Variants in ST6GALNAC2 observed in about 807,000 individuals in gnomAD.
ST6GALNAC2 encodes the protein alpha-N-acetylgalactosaminide alpha-2,6-sialyltransferase 2.
ST6GALNAC2 carries 42 observed loss-of-function variants against 38.7 expected under a neutral mutation model. The ratio of observed to expected loss-of-function variants is 1.09; its 90% CI spans 0.85 to 1.40. ST6GALNAC2 has a LOEUF of 1.40. Among genes scored for constraint, ST6GALNAC2 ranks in the 40% most tolerant of loss-of-function variants. ST6GALNAC2 has a pLI of 0.00. For synonymous variants in ST6GALNAC2, 233 were observed against 209.0 expected (o/e 1.11, Z -0.99); for missense variants, 506 against 481.7 (o/e 1.05, Z -0.47).
At chr17:76,567,112 C>T (rs192673999) in intron 8 of ST6GALNAC2, among the ~76,000 whole-genome samples, 2 of 152,148 alleles carry the variant, frequency 1.3e-5, no homozygotes, top group Non-Finnish European at 1.5e-5. Flanking sequence ...AGGACTTTGG[C>T]TTTCACAAGG....
In ST6GALNAC2 at chr17:76,574,391, T is replaced by A. The variant is rs751466654; in HGVS notation, c.335A>T (p.Tyr112Phe). Residue 112 changes from tyrosine to phenylalanine, a missense_variant, in exon 3 of 9, where the codon TAT becomes TTT. Coordinates refer to ENST00000225276, the MANE Select transcript of ST6GALNAC2 (RefSeq NM_006456.3). The part of the protein sequence containing the change: ...WDRLSQHKAP[Y>F]GWRGLSHQVI... ...TTGGTGAGAGAGCCCCCGCCAGCCA[T>A]ACGGGGCTTTGTGTTGGCTCAGGCG... is the stretch of plus-strand genomic sequence containing the variant. 11 of 1,613,430 alleles carry A rather than the reference T, an allele frequency of 6.8e-6. No individual in the cohort carries two copies. In the African/African-American group the frequency reaches 1.2e-4, roughly 18 times the overall value.
chr17:76,572,571 C>G, intron 5 of ST6GALNAC2, 66 bp downstream of exon 5: 1 of 1,595,864 alleles, frequency 6.3e-7, no homozygotes, highest in Non-Finnish European at 8.6e-7. Context: ...GTGGCCCCCA[C>G]TGAGGGGACT....
chr17:76,581,297 A>T (rs143875834), intron 1 of ST6GALNAC2, among the ~76,000 whole-genome samples: 5 of 152,202 alleles, frequency 3.3e-5, no homozygotes, highest in Non-Finnish European at 7.4e-5. Flanking sequence ...CCCTCTGGGA[A>T]GGAACTAGGA....
In ST6GALNAC2 at chr17:76,566,137, G is replaced by A. The variant is rs140080171; in HGVS notation, c.1092C>T (p.His364=). The change falls in exon 9 of 9, where the codon CAC becomes CAT. Residue 364 remains histidine, a synonymous_variant. Coordinates refer to ENST00000225276, the MANE Select transcript of ST6GALNAC2 (RefSeq NM_006456.3). ...SLEAALWRDL[H]KAGILQLYQR is the part of the protein sequence containing the mutation. ...GGTACAGCTGAAGGATGCCGGCCTT[G>A]TGCAGGTCCCTCCACAGGGCAGCTT... is the stretch of plus-strand genomic sequence containing the variant. 1.9e-6 allele frequency: 3 copies of A among 1,614,132 alleles called. No individual in the cohort carries two copies. The highest frequency in any genetic ancestry group is 2.7e-5 in the African/African-American group (2 of 75,040).
intron 4 of ST6GALNAC2, 109 bp from the exon 5 acceptor site, chr17:76,572,884 CCTT>C (rs1369366671): frequency 1.8e-5 from 24 of 1,363,648 alleles, no homozygotes; most frequent in Non-Finnish European, 2.4e-5. Flanking sequence ...TATGACCACT[CCTT>C]CTGCCCATGG....
Position 76,573,113 on chromosome 17 carries a change from T to C in ST6GALNAC2, c.530+82A>G. On this transcript the variant is annotated intron_variant, in intron 4 of 8. Transcript: ENST00000225276. The surrounding 1 kb of genome is among the most constrained non-coding windows in gnomAD (Gnocchi z 5.1). ...TGAGCCGCCCAGGCCACTGCTGCCA[T>C]AGCCCACTGCCCCTGGGGGAGACAC... 2 of 1,445,300 alleles carry C rather than the reference T, an allele frequency of 1.4e-6. No homozygotes were observed. Among genetic ancestry groups the C allele is most frequent in the African/African-American group, 1.4e-5 (1 of 71,902 alleles). 89.5% of individuals were successfully genotyped at this position (1,445,300 alleles called of 1,614,324 possible).
Position 76,571,404 on chromosome 17 carries a change from G to A in ST6GALNAC2, c.670-736C>T, listed in dbSNP as rs151302018. On this transcript the variant is annotated intron_variant, in intron 5 of 8. Transcript: ENST00000225276. ...AGGTCAGGAGTTCAAGACCAGCCTG[G>A]CCAACATGGTGAAACCCCATCTCCA... 1.5e-3 allele frequency among the ~76,000 whole-genome samples: 232 copies of A among 152,276 alleles called. 5 individuals are homozygous for A. The highest frequency in any genetic ancestry group is 5.5e-3 in the African/African-American group (227 of 41,560).
intron 5 of ST6GALNAC2, among the ~76,000 whole-genome samples, chr17:76,571,688 T>A (rs2075355740): frequency 6.6e-6 from 1 of 152,180 alleles, no homozygotes; most frequent in Non-Finnish European, 1.5e-5. Context: ...GACACTATGG[T>A]AGGACACTCC....
chr17:76,569,909 T>G (rs540488711), intron 6 of ST6GALNAC2: 32 of 250,692 alleles, frequency 1.3e-4, no homozygotes, highest in South Asian at 1.2e-3. Context: ...AGCAGTGGCG[T>G]CGATTTTTAG....
chr17:76,574,278 A>G, intron 3 of ST6GALNAC2, 87 bp downstream of exon 3: 2 of 1,477,580 alleles, frequency 1.4e-6, no homozygotes, highest in Non-Finnish European at 1.8e-6. Flanking sequence ...CACCAGTGCT[A>G]TGAGGGCAGA....
At chr17:76,572,297 C>T (rs62086615) in intron 5 of ST6GALNAC2, among the ~76,000 whole-genome samples, 1 of 152,116 alleles carries the variant, frequency 6.6e-6, no homozygotes, top group African/African-American at 2.4e-5. Flanking sequence ...CTGACCCTAC[C>T]GCTGACTCAC....
At chr17:76,577,857 G>A (rs1360206183) in intron 2 of ST6GALNAC2, among the ~76,000 whole-genome samples, 1 of 152,154 alleles carries the variant, frequency 6.6e-6, no homozygotes, top group Non-Finnish European at 1.5e-5. Flanking sequence ...ACAGGTGTGA[G>A]CCACCACGTC....
At chr17:76,583,952 T>C (rs2075511320) in intron 1 of ST6GALNAC2, among the ~76,000 whole-genome samples, 1 of 145,180 alleles carries the variant, frequency 6.9e-6, no homozygotes, top group African/African-American at 2.6e-5. Flanking sequence ...GGACTACAGG[T>C]GCCCGCCACC....
chr17:76,577,942 T>C (rs1355381476), intron 2 of ST6GALNAC2, among the ~76,000 whole-genome samples: 1 of 152,182 alleles, frequency 6.6e-6, no homozygotes, highest in Admixed American at 6.5e-5. Flanking sequence ...ACAGCTTGGC[T>C]GTCGCTAAGC....
chr17:76,572,509 C>T, intron 5 of ST6GALNAC2, 128 bp downstream of exon 5: 2 of 1,140,892 alleles, frequency 1.8e-6, no homozygotes, highest in South Asian at 1.5e-5. Context: ...TATCTTGCAT[C>T]CAGAATCCTG....
In ST6GALNAC2 at chr17:76,570,739, C is replaced by T. The variant is rs557828419; in HGVS notation, c.670-71G>A. 22 of 1,221,638 alleles carry T rather than the reference C, an allele frequency of 1.8e-5. No homozygotes were observed. In the East Asian group the frequency reaches 4.4e-4, roughly 24 times the overall value. The allele number at this position is 1,221,638 out of a possible 1,614,324, so 75.7% of individuals were successfully genotyped here. ...TTAGCTCCTCAGTGTGGACAGCCCT[C>T]CACCCAACCTTGCCCCCTGAGCCGA... On this transcript the variant is annotated intron_variant, in intron 5 of 8. Coordinates refer to ENST00000225276, the MANE Select transcript of ST6GALNAC2 (RefSeq NM_006456.3).
chr17:76,573,159 T>TCCCACCCCCCC lies in ST6GALNAC2; in HGVS notation c.530+35_530+36insGGGGGGGTGGG. 2.0e-6 allele frequency: 3 copies of TCCCACCCCCCC among 1,530,314 alleles called. No individual in the cohort carries two copies. Among genetic ancestry groups the TCCCACCCCCCC allele is most frequent in the Non-Finnish European group, 2.7e-6 (3 of 1,120,822 alleles). 94.8% of individuals were successfully genotyped at this position (1,530,314 alleles called of 1,614,324 possible). The stretch of plus-strand genomic sequence containing the variant: ...GACACCCCCACCCTCCAGGCAACTC[T>TCCCACCCCCCC]CCCTCCCGCCCCTCCCCAGCTCCTA... On this transcript the variant is annotated intron_variant, in intron 4 of 8. Coordinates refer to ENST00000225276, the MANE Select transcript of ST6GALNAC2 (RefSeq NM_006456.3). The surrounding 1 kb of genome is among the most constrained non-coding windows in gnomAD (Gnocchi z 5.1).
intron 7 of ST6GALNAC2, 78 bp downstream of exon 7, chr17:76,568,635 G>A (rs1370770713): frequency 1.4e-6 from 2 of 1,422,946 alleles, no homozygotes; most frequent in African/African-American, 1.4e-5. Context: ...GCTCGTGCGA[G>A]GGCGCTGACT....
At chr17:76,585,594 C>T in intron 1 of ST6GALNAC2, 90 bp downstream of exon 1, 1 of 1,380,812 alleles carries the variant, frequency 7.2e-7, no homozygotes, top group Non-Finnish European at 9.4e-7. Context: ...GGGCTGAGGG[C>T]TGCGGGCCGC....
Sources: gnomAD v4.1 joint callset for allele counts (sites outside exome capture counted in the v4.1 genomes callset) on GRCh38, gnomAD v4.1.1 for gene constraint, Gnocchi (gnomAD v3.1) non-coding constraint, MANE v1.5 for transcripts, NCBI Gene and HGNC (gene_info 2026-07-23, HGNC 2026-07-21) for gene names.